The following NID1 variants were observed in gnomAD, a reference collection of about 807,000 sequenced individuals.
NID1 encodes the protein nidogen-1.
Under a neutral mutation model 130.6 loss-of-function variants are expected in NID1, and 76 were observed. The observed-to-expected ratio is 0.58, with a 90% CI of 0.48 to 0.70. The LOEUF (loss-of-function observed/expected upper bound fraction) is 0.70, where lower values mean the gene tolerates loss of function less well. Among genes scored for constraint, NID1 ranks in the 30% least tolerant of loss-of-function variants. The pLI is 0.00. For missense variants in NID1, 1,517 were observed against 1,664.8 expected, an observed-to-expected ratio of 0.91 and a Z score of 1.54; for synonymous variants, 665 against 675.1, an observed-to-expected ratio of 0.98 and a Z score of 0.23.
At chr1:236,017,321 C>T (rs761089052) in intron 9 of NID1, 48 bp from the exon 10 acceptor site, 3 of 1,595,664 alleles carry the variant, frequency 1.9e-6, no homozygotes, top group South Asian at 2.2e-5. Context: ...TAAAGCTCTT[C>T]AAACATTACT....
chr1:235,978,935 G>A lies in NID1; in HGVS notation c.3622+60C>T. On this transcript the variant is annotated intron_variant, in intron 19 of 19. Transcript: ENST00000264187. ...TGGCCATACGGGTAGCAGCCAGAGTGTGGGCTCTGAGCCTCCATGTGCCCC... is the reference window on the plus strand; with the variant it reads ...TGGCCATACGGGTAGCAGCCAGAGTATGGGCTCTGAGCCTCCATGTGCCCC... 3.5e-6 allele frequency: 4 copies of A among 1,156,834 alleles called. No homozygotes were observed. The South Asian group carries it at 4.9e-5, about 14-fold the overall frequency. The allele number at this position is 1,156,834 out of a possible 1,614,324, so 71.7% of individuals were successfully genotyped here.
chr1:236,002,503 AAAAC>A lies in NID1; in HGVS notation c.2528-8635_2528-8632del, dbSNP rs71174487. ...GAGCAACAGAGCGAGACTCTGTCTAAAAACAAACAAACAAACAAACAAACAAACA... is the reference window on the plus strand; with the variant it reads ...GAGCAACAGAGCGAGACTCTGTCTAAAAACAAACAAACAAACAAACAAACA... On this transcript the variant is annotated intron_variant, in intron 12 of 19. Transcript: ENST00000264187. 9.3e-3 allele frequency among the ~76,000 whole-genome samples: 1,395 copies of A among 150,694 alleles called. 9 individuals carry two copies. The highest frequency in any genetic ancestry group is 0.018 in the African/African-American group (752 of 40,964).
intron 12 of NID1, among the ~76,000 whole-genome samples, chr1:236,001,977 G>A (rs1219967309): frequency 1.3e-5 from 2 of 152,220 alleles, no homozygotes; most frequent in African/African-American, 2.4e-5. Flanking sequence ...CCATGGACAC[G>A]TGAAGCACTT....
At chr1:236,059,251 G>T (rs927301426) in intron 1 of NID1, among the ~76,000 whole-genome samples, 1 of 152,170 alleles carries the variant, frequency 6.6e-6, no homozygotes, top group African/African-American at 2.4e-5. Context: ...TTTTGGGATG[G>T]CTTCAAAGTT....
Position 235,985,475 on chromosome 1 carries a change from A to C in NID1, c.2959T>G (p.Cys987Gly). The C allele has an allele frequency of 6.2e-7, 1 of 1,614,172 alleles. No individual in the cohort carries two copies. The highest frequency in any genetic ancestry group is 8.5e-7 in the Non-Finnish European group (1 of 1,179,994). ...GTCCAGTAAACCATCTTGTCCACGC[A>C]GTCAAAGGCCAGTCCAATGATGACT... is the stretch of plus-strand genomic sequence containing the variant. ...AKVIIGLAFDCVDKMVYWTDI... is the reference protein window; with the variant it reads ...AKVIIGLAFDGVDKMVYWTDI... Residue 987 changes from cysteine (C) to glycine (G), a missense_variant, in exon 15 of 20, where the codon TGC becomes GGC. By Grantham distance (159) the Cys-to-Gly change is radical (BLOSUM62 -3). Transcript: ENST00000264187.
At chr1:235,983,686 C>T (rs370167925) in intron 15 of NID1, among the ~76,000 whole-genome samples, 1 of 152,200 alleles carries the variant, frequency 6.6e-6, no homozygotes. Context: ...CCAACCCCCT[C>T]TCCCTCAACT....
intron 9 of NID1, among the ~76,000 whole-genome samples, chr1:236,023,015 C>T (rs1012859022): frequency 3.3e-5 from 5 of 150,768 alleles, no homozygotes; most frequent in East Asian, 2.0e-4. Context: ...GCCAAGATCA[C>T]GCCACTGCAC....
chr1:236,031,327 C>A (rs1659092047), intron 6 of NID1, among the ~76,000 whole-genome samples: 1 of 152,170 alleles, frequency 6.6e-6, no homozygotes, highest in South Asian at 2.1e-4. Flanking sequence ...ACTGTGTTAT[C>A]CAGGATGATC....
At position 236,015,174 on chromosome 1, in the gene NID1, G is replaced by A. The variant is rs529877832; in HGVS notation, c.2255-1614C>T. On this transcript the variant is annotated intron_variant, in intron 10 of 19. Coordinates refer to ENST00000264187, the MANE Select transcript of NID1 (RefSeq NM_002508.3). ...GGTAACCTTCCCAGTGCAGGCTTCC[G>A]ACCTAGAACACTGTTTCAACAAGGA... Among the ~76,000 whole-genome samples, 8 of 152,226 alleles carry A rather than the reference G, an allele frequency of 5.3e-5. No individual in the cohort carries two copies. In the South Asian group the frequency reaches 1.0e-3, roughly 20 times the overall value.
At chr1:235,991,129 C>T in intron 13 of NID1, 71 bp from the exon 14 acceptor site, 1 of 1,258,360 alleles carries the variant, frequency 7.9e-7, no homozygotes, top group East Asian at 2.6e-5. Flanking sequence ...ACACACACAC[C>T]CCCACACACA....
Position 236,050,074 on chromosome 1 carries a change from A to G in NID1, c.226-1085T>C, listed in dbSNP as rs1275902281. Among the ~76,000 whole-genome samples the G allele has an allele frequency of 7.2e-5, 11 of 151,762 alleles. No individual in the cohort carries two copies. The East Asian group carries it at 1.9e-3, about 27-fold the overall frequency. On this transcript the variant is annotated intron_variant, in intron 1 of 19. Transcript: ENST00000264187. Reference sequence around the variant, plus strand: ...AAAAAAAAGACTAAGTACTACTAATATCTATATTTTTCTGATGGGGAAAAT... The same window carrying G: ...AAAAAAAAGACTAAGTACTACTAATGTCTATATTTTTCTGATGGGGAAAAT...
chr1:236,052,628 G>A (rs1466206375), intron 1 of NID1, among the ~76,000 whole-genome samples: 3 of 152,170 alleles, frequency 2.0e-5, no homozygotes, highest in Non-Finnish European at 4.4e-5. Context: ...TTCCCTGCTG[G>A]AGCCACCGTC....
chr1:236,044,263 A>G (rs959094173), intron 3 of NID1, among the ~76,000 whole-genome samples: 1 of 152,240 alleles, frequency 6.6e-6, no homozygotes, highest in African/African-American at 2.4e-5. Context: ...GAATTTTGCA[A>G]GCCAGTTATT....
intron 12 of NID1, among the ~76,000 whole-genome samples, chr1:236,001,668 C>T (rs182484930): frequency 2.6e-5 from 4 of 152,294 alleles, no homozygotes; most frequent in East Asian, 1.9e-4. Flanking sequence ...AACATTTACC[C>T]CCATTCTCAC....
At chr1:235,988,449 C>T (rs1657632242) in intron 14 of NID1, among the ~76,000 whole-genome samples, 1 of 152,180 alleles carries the variant, frequency 6.6e-6, no homozygotes, top group African/African-American at 2.4e-5. Context: ...AATGGTACAA[C>T]CACTGTGGAA....
In NID1 at chr1:236,023,177, A is replaced by G. The variant is rs571602460; in HGVS notation, c.2128+893T>C. On this transcript the variant is annotated intron_variant, in intron 9 of 19. Transcript: ENST00000264187. ...CAGATATTTGCATACCCACGTTCAT[A>G]ACAGCATTATTTGCAATAGCTGGAA... is the stretch of plus-strand genomic sequence containing the variant. Among the ~76,000 whole-genome samples, 628 of 152,318 alleles carry G rather than the reference A, an allele frequency of 4.1e-3. 4 individuals are homozygous for G. Among genetic ancestry groups the G allele is most frequent in the African/African-American group, 0.014 (567 of 41,566 alleles).
At chr1:236,015,367 C>T (rs1028618092) in intron 10 of NID1, among the ~76,000 whole-genome samples, 18 of 152,108 alleles carry the variant, frequency 1.2e-4, no homozygotes. Context: ...AATATGTAGG[C>T]CGGGCGTGGT....
chr1:236,006,934 A>G (rs1194456757), intron 12 of NID1, among the ~76,000 whole-genome samples: 1 of 152,190 alleles, frequency 6.6e-6, no homozygotes, highest in Non-Finnish European at 1.5e-5. Context: ...GACAACCTTG[A>G]TGAAGAGTTA....
intron 1 of NID1, among the ~76,000 whole-genome samples, chr1:236,062,143 T>C (rs941215101): frequency 2.0e-5 from 3 of 152,250 alleles, no homozygotes; most frequent in African/African-American, 7.2e-5. Context: ...AAATGCAGTT[T>C]GTCTCAAAGA....
Sources: allele counts gnomAD v4.1 joint callset (sites outside exome capture counted in the v4.1 genomes callset), GRCh38; gene constraint gnomAD v4.1.1; transcripts MANE v1.5; gene names NCBI Gene and HGNC (gene_info 2026-07-23, HGNC 2026-07-21).